CEMIP: variants seen among roughly 807,000 people sequenced by gnomAD.
CEMIP encodes the protein cell migration inducing hyaluronidase 1.
A neutral mutation model predicts 156.9 loss-of-function variants in CEMIP; 105 were observed. That is an observed-to-expected ratio of 0.67 (90% CI 0.57 to 0.79). The LOEUF (loss-of-function observed/expected upper bound fraction) is 0.79, where lower values mean the gene tolerates loss of function less well. Ranked by LOEUF, CEMIP falls within the 30% of genes least tolerant of loss-of-function variation. The pLI is 0.00. For synonymous variants in CEMIP, 676 were observed against 668.4 expected (o/e 1.01, Z -0.17); for missense variants, 1,457 against 1,769.4 (o/e 0.82, Z 3.17).
At chr15:80,839,821 C>T (rs1897354857) in intron 1 of CEMIP, among the ~76,000 whole-genome samples, 1 of 152,318 alleles carries the variant, frequency 6.6e-6, no homozygotes, top group Admixed American at 6.5e-5. Flanking sequence ...TCCAATATTC[C>T]TTCAGTCTCG....
chr15:80,907,073 T>C (rs1479468491), intron 13 of CEMIP, among the ~76,000 whole-genome samples: 1 of 151,742 alleles, frequency 6.6e-6, no homozygotes, highest in Non-Finnish European at 1.5e-5. Context: ...AACAAACAGC[T>C]CTCTGCTCTC....
At chr15:80,822,261 C>T (rs1362695442) in intron 1 of CEMIP, among the ~76,000 whole-genome samples, 1 of 152,222 alleles carries the variant, frequency 6.6e-6, no homozygotes, top group African/African-American at 2.4e-5. Flanking sequence ...CAGAGCATGG[C>T]TGTTGACTGA....
chr15:80,792,509 A>T (rs949681681), intron 1 of CEMIP, among the ~76,000 whole-genome samples: 5 of 152,160 alleles, frequency 3.3e-5, no homozygotes, highest in Non-Finnish European at 7.3e-5. Context: ...TCCATCCCCT[A>T]AAATAGGATG....
chr15:80,861,095 G>A (rs56322399), intron 1 of CEMIP, among the ~76,000 whole-genome samples: 1 of 152,118 alleles, frequency 6.6e-6, no homozygotes, highest in East Asian at 1.9e-4. Context: ...TGGACTGTGA[G>A]CTCTAACCTG....
In CEMIP at chr15:80,785,535, C is replaced by T. The variant is rs867062471; in HGVS notation, c.-176+5921C>T. Among the ~76,000 whole-genome samples, 8 of 152,310 alleles carry T rather than the reference C, an allele frequency of 5.3e-5. No individual in the cohort carries two copies. In the South Asian group the frequency reaches 1.0e-3, roughly 20 times the overall value. ...GAGTCACTGAGAAGGCAGTTGAATA[C>T]ATGGTTCCTGCTCTCGAAGAGCTGG... is the stretch of plus-strand genomic sequence containing the variant. On this transcript the variant is annotated intron_variant, in intron 1 of 29. Coordinates refer to ENST00000394685, the MANE Select transcript of CEMIP (RefSeq NM_001293298.2).
At chr15:80,882,974 G>A (rs187877034) in intron 6 of CEMIP, among the ~76,000 whole-genome samples, 2 of 152,250 alleles carry the variant, frequency 1.3e-5, no homozygotes, top group African/African-American at 4.8e-5. Flanking sequence ...TGCAGCAGGA[G>A]CTTCCTGGGG....
intron 1 of CEMIP, among the ~76,000 whole-genome samples, chr15:80,817,042 G>A (rs921461822): frequency 2.0e-5 from 3 of 152,168 alleles, no homozygotes; most frequent in Admixed American, 6.5e-5. Context: ...TTGGCTGACA[G>A]TAAACAGTTT....
intron 23 of CEMIP, among the ~76,000 whole-genome samples, chr15:80,935,135 G>A (rs758823986): frequency 6.6e-6 from 1 of 152,204 alleles, no homozygotes; most frequent in Non-Finnish European, 1.5e-5. Flanking sequence ...GGCTTCTGCT[G>A]TAGGTGTGGG....
chr15:80,883,745 C>T (rs1898740269), intron 6 of CEMIP, among the ~76,000 whole-genome samples: 1 of 152,156 alleles, frequency 6.6e-6, no homozygotes, highest in Non-Finnish European at 1.5e-5. Context: ...TGGTGTTTTA[C>T]TCGGATCAGA....
intron 29 of CEMIP, chr15:80,947,817 A>G (rs971123848): frequency 1.3e-5 from 2 of 152,298 alleles, no homozygotes; most frequent in African/African-American, 4.8e-5. Context: ...AGCAGGTACT[A>G]TTATTTCCAT....
intron 12 of CEMIP, chr15:80,896,381 C>T: frequency 1.9e-6 from 1 of 520,172 alleles, no homozygotes; most frequent in Non-Finnish European, 3.7e-6. Flanking sequence ...AGCAGAAACA[C>T]AGAACTCTTA....
At position 80,845,939 on chromosome 15, in the gene CEMIP, A is replaced by C. The variant is rs565081530; in HGVS notation, c.-175-27599A>C. On this transcript the variant is annotated intron_variant, in intron 1 of 29. Coordinates refer to ENST00000394685, the MANE Select transcript of CEMIP (RefSeq NM_001293298.2). Reference sequence around the variant, plus strand: ...CTCTAGATCTAGGAGACTCCTCCTGACACACCCACCTCAGACACTTCAGCC... The same window carrying C: ...CTCTAGATCTAGGAGACTCCTCCTGCCACACCCACCTCAGACACTTCAGCC... Among the ~76,000 whole-genome samples the C allele has an allele frequency of 5.3e-5, 8 of 152,280 alleles. No individual in the cohort carries two copies. The South Asian group carries it at 1.7e-3, about 32-fold the overall frequency.
At chr15:80,805,751 G>A (rs528677571) in intron 1 of CEMIP, among the ~76,000 whole-genome samples, 1 of 152,128 alleles carries the variant, frequency 6.6e-6, no homozygotes, top group African/African-American at 2.4e-5. Context: ...AATTTAAATT[G>A]CTTACATAAA....
chr15:80,896,037 C>T lies in CEMIP; in HGVS notation c.1388C>T (p.Ala463Val). 1 of 1,614,086 alleles carries T rather than the reference C, an allele frequency of 6.2e-7. No homozygotes were observed. Among genetic ancestry groups the T allele is most frequent in the South Asian group, 1.1e-5 (1 of 91,082 alleles). Residue 463 changes from alanine (A) to valine (V), a missense_variant, in exon 12 of 30, where the codon GCC (alanine) becomes GTC (valine). Transcript: ENST00000394685. Reference sequence around the variant, plus strand: ...CAGGTGCTTCCCTGCAGATCCTGCGCCCCCAACCAGGTCAAAGTGGCAGGT... The same window carrying T: ...CAGGTGCTTCCCTGCAGATCCTGCGTCCCCAACCAGGTCAAAGTGGCAGGT... ...EFQVLPCRSCAPNQVKVAGKP... is the reference protein window; with the variant it reads ...EFQVLPCRSCVPNQVKVAGKP...
At position 80,920,206 on chromosome 15, in the gene CEMIP, C is replaced by T. The variant is rs1462171491; in HGVS notation, c.1910C>T (p.Thr637Ile). The T allele has an allele frequency of 6.2e-7, 1 of 1,614,200 alleles. No homozygotes were observed. Among genetic ancestry groups the T allele is most frequent in the Non-Finnish European group, 8.5e-7 (1 of 1,180,034 alleles). ...HCLGLLVKSG[T>I]LLPSDRDSKM... ...CTTGGCCTCCTTGTCAAGTCTGGAA[C>T]CCTCCTCCCCTCGGACCGTGACAGC... The change falls in exon 15 of 30, where the codon ACC becomes ATC. Residue 637 changes from threonine to isoleucine, a missense_variant. Physicochemically the swap from Thr to Ile is moderately conservative, Grantham distance 89. This residue lies in a region of CEMIP where 798 missense variants were observed against 980.1 expected (regional missense o/e 0.81). Transcript: ENST00000394685.
At chr15:80,823,600 G>A (rs1381706878) in intron 1 of CEMIP, among the ~76,000 whole-genome samples, 1 of 152,016 alleles carries the variant, frequency 6.6e-6, no homozygotes, top group Admixed American at 6.6e-5. Flanking sequence ...CATCACTTGG[G>A]GTCTCCTGTC....
intron 17 of CEMIP, among the ~76,000 whole-genome samples, 157 bp from the exon 18 acceptor site, chr15:80,924,464 C>T (rs905880594): frequency 2.6e-5 from 4 of 152,192 alleles, no homozygotes; most frequent in African/African-American, 7.2e-5. Context: ...AGCATCTTCA[C>T]CTCCCTTACT....
chr15:80,872,741 G>C (rs1898338495), intron 1 of CEMIP, among the ~76,000 whole-genome samples: 1 of 152,126 alleles, frequency 6.6e-6, no homozygotes, highest in African/African-American at 2.4e-5. Flanking sequence ...CTGGAACCCA[G>C]GAGGTAGAGG....
Position 80,937,896 on chromosome 15 carries a change from C to T in CEMIP, c.3324C>T (p.Gly1108=), listed in dbSNP as rs763149229. The T allele has an allele frequency of 2.8e-5, 45 of 1,614,080 alleles. No homozygotes were observed. Among genetic ancestry groups the T allele is most frequent in the Non-Finnish European group, 3.1e-5 (36 of 1,180,030 alleles). ...NRLLKQTSKT[G]VFVRTLQMDK... ...TGCTGAAGCAAACGTCCAAGACGGGCGTCTTCGTGAGGACCTTGCAGATGG... is the reference window on the plus strand; with the variant it reads ...TGCTGAAGCAAACGTCCAAGACGGGTGTCTTCGTGAGGACCTTGCAGATGG... Residue 1108 remains glycine (G), a synonymous_variant, in exon 25 of 30, where the codon GGC becomes GGT. Coordinates refer to ENST00000394685, the MANE Select transcript of CEMIP (RefSeq NM_001293298.2).
Sources: allele counts gnomAD v4.1 joint callset (sites outside exome capture counted in the v4.1 genomes callset), GRCh38; gene constraint gnomAD v4.1.1; regional missense constraint gnomAD v4.1.1; transcripts MANE v1.5; gene names NCBI Gene and HGNC (gene_info 2026-07-23, HGNC 2026-07-21).